The following HPF1 variants were observed in gnomAD, a reference collection of about 807,000 sequenced individuals.
HPF1 encodes UPF0609 protein C4orf27.
HPF1 carries 35 observed loss-of-function variants against 38.8 expected under a neutral mutation model. That is an observed-to-expected ratio of 0.90 (90% CI 0.69 to 1.19). HPF1 has a LOEUF of 1.19. Ranked by LOEUF, HPF1 falls within the 50% of genes most tolerant of loss-of-function variation. The probability of loss-of-function intolerance (pLI) is 0.00; values close to 1 mark genes in which losing one functional copy is unlikely to be tolerated. For synonymous variants in HPF1, 115 were observed against 139.2 expected (o/e 0.83, Z 1.22); for missense variants, 367 against 405.8 (o/e 0.90, Z 0.82).
chr4:169,750,827 T>C, intron 2 of HPF1, 102 bp from the exon 3 acceptor site: 1 of 882,654 alleles, frequency 1.1e-6, no homozygotes, highest in Non-Finnish European at 1.7e-6. Flanking sequence ...AAAAAGTTTC[T>C]AAACTAAAAA....
chr4:169,737,620 C>A (rs1203368721), intron 6 of HPF1, 40 bp downstream of exon 6: 1 of 1,224,226 alleles, frequency 8.2e-7, no homozygotes, highest in Non-Finnish European at 1.2e-6. Flanking sequence ...TATTCATGTG[C>A]ATTAACATAT....
chr4:169,753,028 G>T (rs11132812), intron 2 of HPF1, among the ~76,000 whole-genome samples: 8 of 103,900 alleles, frequency 7.7e-5, no homozygotes, highest in East Asian at 5.8e-4. Context: ...CCTTGGTTAG[G>T]TTTTTTTTTT....
intron 7 of HPF1, 68 bp downstream of exon 7, chr4:169,731,636 G>T: frequency 8.3e-7 from 1 of 1,201,944 alleles, no homozygotes; most frequent in Non-Finnish European, 1.1e-6. Flanking sequence ...ATTCATGTGT[G>T]GATGTATGTC....
At position 169,750,369 on chromosome 4, in the gene HPF1, C is replaced by G. The variant is rs1581322388; in HGVS notation, c.398+167G>C. The stretch of plus-strand genomic sequence containing the variant: ...GTGAGATTAAACCTAAAGAGTTTAC[C>G]CATCCTAGGGAAGGTTAAAACGGTA... On this transcript the variant is annotated intron_variant, in intron 3 of 7. Coordinates refer to ENST00000393381, the MANE Select transcript of HPF1 (RefSeq NM_017867.3). 7 of 451,318 alleles carry G rather than the reference C, an allele frequency of 1.6e-5. No homozygotes were observed. In the East Asian group the frequency reaches 2.0e-4, roughly 13 times the overall value. The allele number at this position is 451,318 out of a possible 1,614,324, so 28.0% of individuals were successfully genotyped here.
chr4:169,750,630 AATT>A lies in HPF1; in HGVS notation c.301_303del (p.Asn101del). 1 of 1,613,924 alleles carries A rather than the reference AATT, an allele frequency of 6.2e-7. No homozygotes were observed. The highest frequency in any genetic ancestry group is 8.5e-7 in the Non-Finnish European group (1 of 1,179,894). On this transcript the variant is annotated inframe_deletion, in exon 3 of 8. Transcript: ENST00000393381. ...TAGTAAAACCTCCAGTGAAGGTTAA[AATT>A]CAGGCCTGTTGATTTTTTCTTCGTT...
At chr4:169,738,945 C>T (rs1581315436) in intron 5 of HPF1, among the ~76,000 whole-genome samples, 1 of 149,416 alleles carries the variant, frequency 6.7e-6, no homozygotes, top group South Asian at 2.1e-4. Context: ...ACAATGAGAA[C>T]ACTTGGACAC....
chr4:169,731,409 T>C (rs939867711), intron 7 of HPF1, among the ~76,000 whole-genome samples: 1 of 152,298 alleles, frequency 6.6e-6, no homozygotes, highest in East Asian at 1.9e-4. Flanking sequence ...CCCTATAATG[T>C]GTCTAATGAG....
intron 7 of HPF1, among the ~76,000 whole-genome samples, chr4:169,731,255 A>G (rs1215015900): frequency 6.6e-6 from 1 of 152,234 alleles, no homozygotes; most frequent in Non-Finnish European, 1.5e-5. Context: ...ATAAAGCTTA[A>G]ATAATTTAAA....
chr4:169,732,135 CG>C (rs1560886066), intron 6 of HPF1: 6 of 244,362 alleles, frequency 2.5e-5, no homozygotes, highest in East Asian at 9.3e-5. Context: ...GTTACAGTCA[CG>C]ATTTTTTTTT....
intron 4 of HPF1, among the ~76,000 whole-genome samples, chr4:169,746,798 C>T (rs1195440857): frequency 6.6e-6 from 1 of 150,668 alleles, no homozygotes; most frequent in Non-Finnish European, 1.5e-5. Context: ...AATTTTTTAC[C>T]CCTGTTTGAG....
At chr4:169,747,078 G>A (rs1233514441) in intron 4 of HPF1, among the ~76,000 whole-genome samples, 1 of 149,230 alleles carries the variant, frequency 6.7e-6, no homozygotes, top group Non-Finnish European at 1.5e-5. Flanking sequence ...ATGTTGCCCA[G>A]CCTGAAAAAA....
At chr4:169,729,737 A>G (rs1176994087) in intron 7 of HPF1, 28 bp from the exon 8 acceptor site, 15 of 1,440,154 alleles carry the variant, frequency 1.0e-5, no homozygotes, top group Admixed American at 2.5e-5. Context: ...AACATTAAGC[A>G]GAGAATATAG....
At chr4:169,750,778 T>C in intron 2 of HPF1, 53 bp from the exon 3 acceptor site, 2 of 1,284,176 alleles carry the variant, frequency 1.6e-6, no homozygotes, top group Non-Finnish European at 2.2e-6. Flanking sequence ...TAGGAAATAA[T>C]GCTTTTATTT....
At chr4:169,754,638 C>G (rs1349757952) in intron 1 of HPF1, among the ~76,000 whole-genome samples, 1 of 151,826 alleles carries the variant, frequency 6.6e-6, no homozygotes, top group South Asian at 2.1e-4. Context: ...TTCTATGAAC[C>G]TAGATTCTTT....
Position 169,754,390 on chromosome 4 carries a change from CT to C in HPF1, c.49-556del, listed in dbSNP as rs1223334793. Reference sequence around the variant, plus strand: ...TGACAATGTTAAACATCTATAGTTCCTAATAAAGTTAGCAGAATAGCACTAA... The same window carrying C: ...TGACAATGTTAAACATCTATAGTTCCAATAAAGTTAGCAGAATAGCACTAA... On this transcript the variant is annotated intron_variant, in intron 1 of 7. Transcript: ENST00000393381. Among the ~76,000 whole-genome samples the C allele has an allele frequency of 2.6e-5, 4 of 152,006 alleles. No individual in the cohort carries two copies. The East Asian group carries it at 7.7e-4, about 29-fold the overall frequency.
intron 1 of HPF1, 104 bp downstream of exon 1, chr4:169,757,726 C>T: frequency 8.7e-7 from 1 of 1,151,140 alleles, no homozygotes; most frequent in Non-Finnish European, 1.3e-6. Flanking sequence ...CCTGGACACA[C>T]AGCAAGCTTA....
At chr4:169,740,107 G>A (rs766203586) in intron 5 of HPF1, among the ~76,000 whole-genome samples, 5 of 152,206 alleles carry the variant, frequency 3.3e-5, no homozygotes, top group Non-Finnish European at 5.9e-5. Flanking sequence ...GGTGGATGGA[G>A]TGCCACACCA....
intron 2 of HPF1, among the ~76,000 whole-genome samples, chr4:169,752,248 G>A (rs1458001655): frequency 7.4e-6 from 1 of 135,612 alleles, no homozygotes; most frequent in African/African-American, 2.8e-5. Flanking sequence ...TTGGCTCACT[G>A]CAACCTCCGC....
intron 4 of HPF1, among the ~76,000 whole-genome samples, chr4:169,747,103 A>C (rs1481110195): frequency 6.6e-6 from 1 of 150,970 alleles, no homozygotes; most frequent in East Asian, 1.9e-4. Context: ...GTGTTTTTAC[A>C]TGCCAAGGTA....
Sources: allele counts gnomAD v4.1 joint callset (sites outside exome capture counted in the v4.1 genomes callset), GRCh38; gene constraint gnomAD v4.1.1; transcripts MANE v1.5; gene names NCBI Gene and HGNC (gene_info 2026-07-23, HGNC 2026-07-21).